ZNF7: variants seen among roughly 807,000 people sequenced by gnomAD.
The protein encoded by ZNF7 is C2-H2 type zinc finger protein.
In ZNF7, 10 loss-of-function variants were observed where a neutral mutation model predicts 12.0. The ratio of observed to expected loss-of-function variants is 0.83; its 90% CI spans 0.51 to 1.42. The LOEUF (loss-of-function observed/expected upper bound fraction) is 1.42, where lower values mean the gene tolerates loss of function less well. Among genes scored for constraint, ZNF7 ranks in the 40% most tolerant of loss-of-function variants. The pLI is 0.00. For missense variants in ZNF7, 854 were observed against 837.2 expected, an observed-to-expected ratio of 1.02 and a Z score of -0.25; for synonymous variants, 334 against 295.0, an observed-to-expected ratio of 1.13 and a Z score of -1.35.
chr8:144,837,036 A>G (rs1304003450), intron 3 of ZNF7: 3 of 184,610 alleles, frequency 1.6e-5, no homozygotes, highest in Non-Finnish European at 3.4e-5. Flanking sequence ...CTGCTCTCTG[A>G]ACTGAGGGAC....
chr8:144,836,129 T>G (rs953370537), intron 3 of ZNF7: 2 of 152,234 alleles, frequency 1.3e-5, no homozygotes, highest in African/African-American at 2.4e-5. Context: ...GAGGATTGTT[T>G]GAGCCCAGGA....
At chr8:144,836,556 C>G (rs1326303442) in intron 3 of ZNF7, 1 of 152,186 alleles carries the variant, frequency 6.6e-6, no homozygotes. Flanking sequence ...GTGGCTTGAC[C>G]CAAGGCTGTT....
chr8:144,838,087 T>C, intron 4 of ZNF7: 2 of 703,028 alleles, frequency 2.8e-6, no homozygotes, highest in Non-Finnish European at 2.6e-6. Context: ...GGAAGGATCC[T>C]GTCCTGCCTC....
At chr8:144,835,853 C>T (rs1188080496) in intron 3 of ZNF7, 1 of 152,016 alleles carries the variant, frequency 6.6e-6, no homozygotes, top group African/African-American at 2.4e-5. Flanking sequence ...CCTGGACTGC[C>T]TGGGTTCCAG....
rs753411479 is a variant in ZNF7 at position 144,842,424 on chromosome 8, G to A, written c.1317G>A (p.Lys439=). Residue 439 remains lysine, a synonymous_variant, in exon 5 of 5, where the codon AAG becomes AAA. Transcript: ENST00000532777. ...ATCAGCTGATTCACACTGGAGAGAA[G>A]CCTTATAAATGCAACAAGTGTACAA... The part of the protein sequence containing the change: ...SQHQLIHTGE[K]PYKCNKCTKA... 5 of 1,614,034 alleles carry A rather than the reference G, an allele frequency of 3.1e-6. No homozygotes were observed. In the African/African-American group the frequency reaches 6.7e-5, roughly 22 times the overall value.
chr8:144,841,560 CTG>C lies in ZNF7; in HGVS notation c.455_456del (p.Cys152PhefsTer3), dbSNP rs1563840234. ...KVTGFTFQNNCLNEETVVPKT... is the reference protein window; with the variant it reads ...KVTGFTFQNNXLNEETVVPKT... Reference sequence around the variant, plus strand: ...TGACAGGCTTTACCTTCCAAAATAACTGTTTGAATGAGGAGACTGTGGTTCCC... The same window carrying C: ...TGACAGGCTTTACCTTCCAAAATAACTTTGAATGAGGAGACTGTGGTTCCC... On this transcript the variant is annotated frameshift_variant, in exon 5 of 5. Coordinates refer to ENST00000532777, the MANE Select transcript of ZNF7 (RefSeq NM_003416.4). LOFTEE classifies it low-confidence loss of function (END_TRUNC). 1 of 1,614,076 alleles carries C rather than the reference CTG, an allele frequency of 6.2e-7. No homozygotes were observed. The highest frequency in any genetic ancestry group is 8.5e-7 in the Non-Finnish European group (1 of 1,180,026).
chr8:144,835,280 T>C (rs1350821465), intron 3 of ZNF7: 1 of 151,900 alleles, frequency 6.6e-6, no homozygotes, highest in Non-Finnish European at 1.5e-5. Context: ...TATAGCTCAC[T>C]GCAGCCTTGA....
At chr8:144,846,851 A>G (rs1331491639), downstream of ZNF7, 3 of 152,094 alleles carry the variant, frequency 2.0e-5, no homozygotes, top group Non-Finnish European at 4.4e-5. Context: ...GGTGCCTGCT[A>G]CCACGCCCGG....
intron 1 of ZNF7, 60 bp downstream of exon 1, chr8:144,827,669 C>G (rs1586779780): frequency 1.0e-6 from 1 of 985,390 alleles, no homozygotes; most frequent in Non-Finnish European, 1.2e-6. Flanking sequence ...TCCCTGGTCG[C>G]TTCCTTAGCC....
At position 144,841,422 on chromosome 8, in the gene ZNF7, T is replaced by A; in HGVS notation, c.315T>A (p.Tyr105Ter). 6.2e-7 allele frequency: 1 copy of A among 1,614,206 alleles called. No individual in the cohort carries two copies. Residue 105 changes from tyrosine to a stop codon, truncating the protein, a stop_gained, in exon 5 of 5, where the codon TAT (tyrosine) becomes TAA (stop). Transcript: ENST00000532777. LOFTEE classifies it low-confidence loss of function (END_TRUNC). ...EDMDILKSES[Y>*]GTVVRISPQD... ...TGGACATCCTAAAATCAGAATCCTA[T>A]GGGACAGTGGTCAGAATCTCCCCAC...
intron 4 of ZNF7, among the ~76,000 whole-genome samples, chr8:144,840,013 C>T (rs994254432): frequency 2.6e-5 from 4 of 152,236 alleles, no homozygotes; most frequent in African/African-American, 9.6e-5. Flanking sequence ...TGGCTCACTG[C>T]AACCTCTGCC....
chr8:144,842,136 C>T lies in ZNF7; in HGVS notation c.1029C>T (p.Phe343=). The change falls in exon 5 of 5, where the codon TTC becomes TTT. Residue 343 remains phenylalanine (F), a synonymous_variant. Transcript: ENST00000532777. ...GTTGTCGTGAGTGTGGGAAAGCCTT[C>T]AGCCAGCAGTCGCAGCTGGTTAGAC... The part of the protein sequence containing the change: ...PYGCRECGKA[F]SQQSQLVRHQ... 1 of 1,614,088 alleles carries T rather than the reference C, an allele frequency of 6.2e-7. No individual in the cohort carries two copies. Among genetic ancestry groups the T allele is most frequent in the Non-Finnish European group, 8.5e-7 (1 of 1,179,994 alleles).
chr8:144,842,545 C>A lies in ZNF7; in HGVS notation c.1438C>A (p.Gln480Lys). 6.2e-7 allele frequency: 1 copy of A among 1,614,162 alleles called. No individual in the cohort carries two copies. Among genetic ancestry groups the A allele is most frequent in the South Asian group, 1.1e-5 (1 of 91,080 alleles). Residue 480 changes from glutamine (Q) to lysine (K), a missense_variant, in exon 5 of 5, where the codon CAG (glutamine) becomes AAG (lysine). Coordinates refer to ENST00000532777, the MANE Select transcript of ZNF7 (RefSeq NM_003416.4). The stretch of plus-strand genomic sequence containing the variant: ...TGATGAGTGTGGCAAAGGCTTTGTT[C>A]AGGGCTCACACCTTATTCAGCATCA... ...KCDECGKGFV[Q>K]GSHLIQHQRI... is the part of the protein sequence containing the mutation.
rs1349242430 is a variant in ZNF7 at position 144,842,505 on chromosome 8, A to G, written c.1398A>G (p.Glu466=). Reference sequence around the variant, plus strand: ...GCCATCAGAGAACTCACACTGGAGAAAAACCATTTAAATGTGATGAGTGTG... The same window carrying G: ...GCCATCAGAGAACTCACACTGGAGAGAAACCATTTAAATGTGATGAGTGTG... The part of the protein sequence containing the change: ...LIRHQRTHTG[E]KPFKCDECGK... The change falls in exon 5 of 5, where the codon GAA becomes GAG. Residue 466 remains glutamate, a synonymous_variant. Transcript: ENST00000532777. 1 of 1,613,876 alleles carries G rather than the reference A, an allele frequency of 6.2e-7. No individual in the cohort carries two copies. The highest frequency in any genetic ancestry group is 8.5e-7 in the Non-Finnish European group (1 of 1,180,012).
Position 144,841,488 on chromosome 8 carries a change from T to A in ZNF7, c.381T>A (p.Asp127Glu). Reference protein sequence around the residue: ...PQNPGFGDVSDSEVWLDSHLG... With the variant: ...PQNPGFGDVSESEVWLDSHLG... ...ATCCTGGCTTTGGAGACGTTTCTGA[T>A]TCTGAGGTCTGGTTAGACAGTCATC... The change falls in exon 5 of 5, where the codon GAT (aspartate) becomes GAA (glutamate). Residue 127 changes from aspartate to glutamate, a missense_variant. By Grantham distance (45) the Asp-to-Glu change is conservative. Transcript: ENST00000532777. 6.2e-7 allele frequency: 1 copy of A among 1,614,180 alleles called. No homozygotes were observed. The highest frequency in any genetic ancestry group is 8.5e-7 in the Non-Finnish European group (1 of 1,180,036).
At chr8:144,832,029 T>C (rs1277377848) in intron 3 of ZNF7, among the ~76,000 whole-genome samples, 1 of 100,296 alleles carries the variant, frequency 1.0e-5, no homozygotes, top group African/African-American at 2.9e-5. Context: ...AAAAATCTTC[T>C]CTGCTTCTTT....
chr8:144,831,673 C>CT (rs1187516453), intron 3 of ZNF7, among the ~76,000 whole-genome samples: 14,882 of 64,466 alleles, frequency 0.23, 3,387 homozygotes, highest in Middle Eastern at 0.41. Context: ...ATCCCAGCTA[C>CT]TCGGGAGGCT....
rs1199013109 is a variant in ZNF7 at position 144,841,746 on chromosome 8, G to A, written c.639G>A (p.Leu213=). ...TCAGAGCCACTTCAGATATCGCTCT[G>A]CATTGGGAAATTAATACACAGAAAA... ...KGIRATSDIA[L]HWEINTQKIS... is the part of the protein sequence containing the mutation. The change falls in exon 5 of 5, where the codon CTG becomes CTA. Residue 213 remains leucine (L), a synonymous_variant. Transcript: ENST00000532777. 1.2e-6 allele frequency: 2 copies of A among 1,614,204 alleles called. No homozygotes were observed. Among genetic ancestry groups the A allele is most frequent in the South Asian group, 2.2e-5 (2 of 91,090 alleles).
Position 144,843,393 on chromosome 8 carries a change from T to G in ZNF7, c.*225T>G, listed in dbSNP as rs544643747. The G allele has an allele frequency of 4.4e-5, 20 of 456,910 alleles. No individual in the cohort carries two copies. Among genetic ancestry groups the G allele is most frequent in the Non-Finnish European group, 5.6e-5 (15 of 265,876 alleles). 28.3% of individuals were successfully genotyped at this position (456,910 alleles called of 1,614,324 possible). A position where few individuals can be genotyped will look rare whatever the true frequency, so the allele number is the denominator to read the frequency against. ...TCACGAGGTCAGGAGGTTGAGACCA[T>G]CCTGGGTAACAGGTGAAACCCCATC... On this transcript the variant is annotated 3_prime_UTR_variant, in exon 5 of 5. Transcript: ENST00000532777.
Sources: gnomAD v4.1 joint callset for allele counts (sites outside exome capture counted in the v4.1 genomes callset) on GRCh38, gnomAD v4.1.1 for gene constraint, MANE v1.5 for transcripts, NCBI Gene and HGNC (gene_info 2026-07-23, HGNC 2026-07-21) for gene names.